ADAMTS6: variants seen among roughly 807,000 people sequenced by gnomAD.
ADAMTS6 encodes ADAM metallopeptidase with thrombospondin type 1 motif 6.
Under a neutral mutation model 144.3 loss-of-function variants are expected in ADAMTS6, and 23 were observed. The ratio of observed to expected loss-of-function variants is 0.16; its 90% CI spans 0.11 to 0.23. The LOEUF (loss-of-function observed/expected upper bound fraction) is 0.23. ADAMTS6 is among the 10% of genes least tolerant of loss of function. The pLI, the probability that ADAMTS6 is intolerant of heterozygous loss-of-function variation, is 1.00. For missense variants in ADAMTS6, 999 were observed against 1,379.6 expected (o/e 0.72, Z 4.37); for synonymous variants, 444 against 457.5 (o/e 0.97, Z 0.38).
rs139345656 is a variant in ADAMTS6, at chr5:65,376,996, C to G, written c.1074-42911G>C. Among the ~76,000 whole-genome samples the G allele has an allele frequency of 7.0e-4, 107 of 152,026 alleles. 2 individuals carry two copies. In the East Asian group the frequency reaches 0.017, roughly 24 times the overall value. On this transcript the variant is annotated intron_variant, in intron 7 of 24. Transcript: ENST00000381055. The stretch of plus-strand genomic sequence containing the variant: ...TCGAAAAAGGGGTGAGAGTATCCCC[C>G]CTACCTCATGGAAGACTTATATATA...
At chr5:65,403,554 T>C (rs1377493483) in intron 7 of ADAMTS6, among the ~76,000 whole-genome samples, 1 of 152,122 alleles carries the variant, frequency 6.6e-6, no homozygotes, top group Admixed American at 6.6e-5. Flanking sequence ...AGTCTAAAAC[T>C]TTCACATTTT....
At chr5:65,418,164 T>C (rs1044468402) in intron 7 of ADAMTS6, among the ~76,000 whole-genome samples, 3 of 152,058 alleles carry the variant, frequency 2.0e-5, no homozygotes, top group Non-Finnish European at 4.4e-5. Context: ...GCTGGCTAGC[T>C]ATATTCAAAA....
At chr5:65,399,403 G>A (rs915460431) in intron 7 of ADAMTS6, among the ~76,000 whole-genome samples, 14 of 152,208 alleles carry the variant, frequency 9.2e-5, no homozygotes, top group Admixed American at 5.9e-4. Context: ...AATATCTACC[G>A]AATTTGTTGC....
chr5:65,392,701 T>C (rs1308944278), intron 7 of ADAMTS6, among the ~76,000 whole-genome samples: 1 of 152,144 alleles, frequency 6.6e-6, no homozygotes, highest in Non-Finnish European at 1.5e-5. Context: ...TTAAATTATC[T>C]TTAAATATTA....
Position 65,406,053 on chromosome 5 carries a change from C to T in ADAMTS6, c.1073+45422G>A, listed in dbSNP as rs375192649. Reference sequence around the variant, plus strand: ...AGCTTAAGGAGATTTTGGGCTGAGACGATGGGGTTTTCTAAATATACAATC... The same window carrying T: ...AGCTTAAGGAGATTTTGGGCTGAGATGATGGGGTTTTCTAAATATACAATC... On this transcript the variant is annotated intron_variant, in intron 7 of 24. Coordinates refer to ENST00000381055, the MANE Select transcript of ADAMTS6 (RefSeq NM_197941.4). 5.8e-4 allele frequency among the ~76,000 whole-genome samples: 89 copies of T among 152,186 alleles called. 1 individual carries two copies. Among genetic ancestry groups the T allele is most frequent in the Admixed American group, 3.1e-3 (47 of 15,276 alleles).
In ADAMTS6 at chr5:65,219,871, C is replaced by T. The variant is rs745329891; in HGVS notation, c.2273-4384G>A. On this transcript the variant is annotated intron_variant, in intron 18 of 24. Coordinates refer to ENST00000381055, the MANE Select transcript of ADAMTS6 (RefSeq NM_197941.4). Reference sequence around the variant, plus strand: ...ACTATTGGGTTGGTGCAAAAGTAATCGCAGCTTTTGCCATTAATAAGAACA... The same window carrying T: ...ACTATTGGGTTGGTGCAAAAGTAATTGCAGCTTTTGCCATTAATAAGAACA... 4.6e-5 allele frequency among the ~76,000 whole-genome samples: 7 copies of T among 152,180 alleles called. No individual in the cohort carries two copies. The East Asian group carries it at 1.2e-3, about 25-fold the overall frequency.
intron 12 of ADAMTS6, among the ~76,000 whole-genome samples, chr5:65,265,906 G>A (rs914734038): frequency 5.9e-5 from 9 of 151,794 alleles, no homozygotes; most frequent in African/African-American, 1.9e-4. Context: ...TCCATTGGAG[G>A]TGTATGATTA....
intron 7 of ADAMTS6, among the ~76,000 whole-genome samples, chr5:65,398,147 T>A (rs527857531): frequency 6.6e-6 from 1 of 152,320 alleles, no homozygotes; most frequent in East Asian, 1.9e-4. Context: ...ATCCAGCTGA[T>A]TGACGGTGTT....
At chr5:65,342,001 T>C (rs1378775472) in intron 7 of ADAMTS6, among the ~76,000 whole-genome samples, 6 of 152,116 alleles carry the variant, frequency 3.9e-5, no homozygotes, top group African/African-American at 1.4e-4. Flanking sequence ...CATGATCAAA[T>C]GAGATTTATC....
chr5:65,218,115 G>A (rs1757062545), intron 18 of ADAMTS6, among the ~76,000 whole-genome samples: 1 of 152,162 alleles, frequency 6.6e-6, no homozygotes, highest in African/African-American at 2.4e-5. Flanking sequence ...GAGGAAATCT[G>A]TTGCTGAATA....
intron 7 of ADAMTS6, among the ~76,000 whole-genome samples, chr5:65,375,593 T>C (rs1196536036): frequency 1.3e-5 from 2 of 152,040 alleles, no homozygotes; most frequent in African/African-American, 4.8e-5. Context: ...ATGGCAATCA[T>C]TAAAAAGTCA....
intron 23 of ADAMTS6, among the ~76,000 whole-genome samples, chr5:65,171,947 A>G (rs1160333620): frequency 6.6e-6 from 1 of 151,792 alleles, no homozygotes; most frequent in Non-Finnish European, 1.5e-5. Context: ...GCCATCGAGA[A>G]TACCAGAAAG....
At chr5:65,437,541 A>C (rs927000710) in intron 7 of ADAMTS6, among the ~76,000 whole-genome samples, 16 of 152,174 alleles carry the variant, frequency 1.1e-4, no homozygotes, top group African/African-American at 3.9e-4. Flanking sequence ...GTTACAATTC[A>C]AGATGAGGTT....
At chr5:65,181,350 C>T (rs1754338852) in intron 22 of ADAMTS6, among the ~76,000 whole-genome samples, 1 of 152,212 alleles carries the variant, frequency 6.6e-6, no homozygotes, top group Non-Finnish European at 1.5e-5. Flanking sequence ...CATGCCAAGT[C>T]TCCTCCACTG....
intron 7 of ADAMTS6, among the ~76,000 whole-genome samples, chr5:65,346,595 T>C (rs1364106665): frequency 6.6e-6 from 1 of 151,566 alleles, no homozygotes; most frequent in African/African-American, 2.4e-5. Flanking sequence ...TCTTACCACT[T>C]CTAGTCAACA....
chr5:65,240,737 G>A (rs892677631), intron 15 of ADAMTS6, among the ~76,000 whole-genome samples: 2 of 152,042 alleles, frequency 1.3e-5, no homozygotes, highest in African/African-American at 4.8e-5. Context: ...CCAGCCCCCA[G>A]TACCGAGAAA....
chr5:65,453,289 T>A (rs924447517), intron 4 of ADAMTS6, among the ~76,000 whole-genome samples: 4 of 152,194 alleles, frequency 2.6e-5, no homozygotes, highest in Admixed American at 2.6e-4. Flanking sequence ...GTATGAACTT[T>A]TCAATCAGTC....
At chr5:65,346,142 AAG>A (rs1748296460) in intron 7 of ADAMTS6, among the ~76,000 whole-genome samples, 1 of 151,966 alleles carries the variant, frequency 6.6e-6, no homozygotes, top group South Asian at 2.1e-4. Context: ...TCATTTTATG[AAG>A]CTAGCATTAT....
intron 21 of ADAMTS6, among the ~76,000 whole-genome samples, chr5:65,190,023 G>A (rs560892570): frequency 5.4e-4 from 82 of 152,262 alleles, no homozygotes; most frequent in African/African-American, 1.4e-3. Flanking sequence ...TTTTGTATAC[G>A]GAAGATAATA....
Sources: allele counts gnomAD v4.1 joint callset (sites outside exome capture counted in the v4.1 genomes callset), GRCh38; gene constraint gnomAD v4.1.1; transcripts MANE v1.5; gene names NCBI Gene and HGNC (gene_info 2026-07-23, HGNC 2026-07-21).